Variants in GABRB1 observed in about 807,000 individuals in gnomAD.
The protein encoded by GABRB1 is gamma-aminobutyric acid receptor subunit beta-1.
Under a neutral mutation model 51.6 loss-of-function variants are expected in GABRB1, and 17 were observed. The observed-to-expected ratio is 0.33, with a 90% confidence interval of 0.23 to 0.49. The LOEUF is 0.49. Ranked by LOEUF, GABRB1 falls within the 20% of genes least tolerant of loss-of-function variation. The pLI, the probability that GABRB1 is intolerant of heterozygous loss-of-function variation, is 0.99. For synonymous variants in GABRB1, 247 were observed against 218.9 expected (o/e 1.13, Z -1.14); for missense variants, 410 against 600.6 (o/e 0.68, Z 3.32).
chr4:47,122,916 G>A (rs1003343768), intron 3 of GABRB1, among the ~76,000 whole-genome samples: 5 of 152,140 alleles, frequency 3.3e-5, no homozygotes, highest in African/African-American at 4.8e-5. Context: ...CAGCTGAAAT[G>A]ACTGGTAGAA....
At chr4:47,271,137 A>T (rs1722860098) in intron 4 of GABRB1, among the ~76,000 whole-genome samples, 2 of 152,164 alleles carry the variant, frequency 1.3e-5, no homozygotes, top group South Asian at 4.1e-4. Context: ...ATGCAGGAAA[A>T]TGTTAGGGGA....
chr4:47,157,153 C>T (rs1275762639), intron 3 of GABRB1, among the ~76,000 whole-genome samples: 1 of 151,726 alleles, frequency 6.6e-6, no homozygotes, highest in Non-Finnish European at 1.5e-5. Flanking sequence ...CAAAGAATTC[C>T]CTATGGCCCA....
intron 3 of GABRB1, among the ~76,000 whole-genome samples, chr4:47,156,326 A>G (rs1263440180): frequency 6.6e-6 from 1 of 152,046 alleles, no homozygotes; most frequent in Non-Finnish European, 1.5e-5. Context: ...AGTGATAAAA[A>G]GAGATATTTT....
In GABRB1 at chr4:47,008,011, C is replaced by T. The variant is rs60877592; in HGVS notation, c.-20+14085C>T. Among the ~76,000 whole-genome samples, 618 of 151,830 alleles carry T rather than the reference C, an allele frequency of 4.1e-3. 2 individuals carry two copies. The highest frequency in any genetic ancestry group is 0.014 in the African/African-American group (579 of 41,376). ...GTGAAGAGAAGTATAGAGACAGGCA[C>T]GACAATTTGCCCTTACGCATTATTG... On this transcript the variant is annotated intron_variant, in intron 1 of 3. Transcript: ENST00000513567.
intron 3 of GABRB1, among the ~76,000 whole-genome samples, chr4:47,061,805 C>T (rs1009258836): frequency 3.6e-4 from 55 of 152,168 alleles, no homozygotes; most frequent in African/African-American, 1.3e-3. Context: ...CACTGTGTGA[C>T]TGTCTTGTAA....
intron 4 of GABRB1, among the ~76,000 whole-genome samples, chr4:47,304,271 G>T (rs1027587816): frequency 6.6e-6 from 1 of 151,836 alleles, no homozygotes; most frequent in African/African-American, 2.4e-5. Context: ...AGTGTGCTAG[G>T]CTTCTCTTTT....
At position 47,167,476 on chromosome 4, in the gene GABRB1, G is replaced by A. The variant is rs149989651; in HGVS notation, c.461+6007G>A. ...CCCCTACAATTGCTTTTCTTTCAAA[G>A]TTCCACAGTGATCCTTCCTTCTTCT... On this transcript the variant is annotated intron_variant, in intron 4 of 8. Coordinates refer to ENST00000295454, the MANE Select transcript of GABRB1 (RefSeq NM_000812.4). 8.0e-3 allele frequency among the ~76,000 whole-genome samples: 1,216 copies of A among 152,014 alleles called. 14 individuals carry two copies. Among genetic ancestry groups the A allele is most frequent in the African/African-American group, 0.028 (1,153 of 41,480 alleles).
rs189556097 is a variant in GABRB1 at position 47,359,181 on chromosome 4, T to C, written c.544+38972T>C. ...TCTTCATGTGCAAGTACTGATGGCT[T>C]TTGGCTGTAATCTCACAGCTCTTGC... is the stretch of plus-strand genomic sequence containing the variant. On this transcript the variant is annotated intron_variant, in intron 5 of 8. Coordinates refer to ENST00000295454, the MANE Select transcript of GABRB1 (RefSeq NM_000812.4). 6.6e-5 allele frequency among the ~76,000 whole-genome samples: 10 copies of C among 152,222 alleles called. No homozygotes were observed. In the East Asian group the frequency reaches 1.9e-3, roughly 29 times the overall value.
At chr4:47,161,722 G>A (rs1717961296) in intron 4 of GABRB1, among the ~76,000 whole-genome samples, 2 of 152,132 alleles carry the variant, frequency 1.3e-5, no homozygotes, top group South Asian at 4.2e-4. Flanking sequence ...TATAGGATAT[G>A]TAAAGTGGTG....
At chr4:47,388,627 G>A (rs1727880243) in intron 5 of GABRB1, among the ~76,000 whole-genome samples, 1 of 152,204 alleles carries the variant, frequency 6.6e-6, no homozygotes. Context: ...TAACCTTGGG[G>A]ACAGGTCTGT....
rs574556174 is a variant in GABRB1, at chr4:47,130,805, C to A, written c.241-30444C>A. 5.3e-5 allele frequency among the ~76,000 whole-genome samples: 8 copies of A among 152,282 alleles called. No homozygotes were observed. In the South Asian group the frequency reaches 1.4e-3, roughly 28 times the overall value. On this transcript the variant is annotated intron_variant, in intron 3 of 8. Transcript: ENST00000295454. ...GTTTTATTTATTATTATATTTCCAG[C>A]TCTCAGTACAGTGCTTCACATATAG...
In GABRB1 at chr4:47,384,925, C is replaced by A. The variant is rs569519790; in HGVS notation, c.545-18393C>A. ...AAATAGATTAGGCATTCTTAACACT[C>A]AATTTGAAAACAATCTTTAAAAACA... On this transcript the variant is annotated intron_variant, in intron 5 of 8. Coordinates refer to ENST00000295454, the MANE Select transcript of GABRB1 (RefSeq NM_000812.4). Among the ~76,000 whole-genome samples, 8 of 152,248 alleles carry A rather than the reference C, an allele frequency of 5.3e-5. No homozygotes were observed. In the East Asian group the frequency reaches 1.4e-3, roughly 26 times the overall value.
intron 3 of GABRB1, among the ~76,000 whole-genome samples, chr4:47,132,690 G>A (rs929460318): frequency 2.6e-5 from 4 of 152,254 alleles, no homozygotes; most frequent in Admixed American, 6.5e-5. Context: ...TTTCTTGAAC[G>A]AAGGAAAATA....
intron 4 of GABRB1, among the ~76,000 whole-genome samples, chr4:47,294,075 T>C (rs1723864023): frequency 6.6e-6 from 1 of 152,180 alleles, no homozygotes; most frequent in Non-Finnish European, 1.5e-5. Context: ...TGCTTAGTAA[T>C]CAATGTTTAA....
chr4:47,066,160 A>T (rs1727071096), intron 3 of GABRB1, among the ~76,000 whole-genome samples: 3 of 152,260 alleles, frequency 2.0e-5, no homozygotes, highest in Admixed American at 2.0e-4. Flanking sequence ...CCCAGTGTAT[A>T]TAAAATTATG....
intron 3 of GABRB1, among the ~76,000 whole-genome samples, chr4:47,039,584 C>T (rs1281866965): frequency 6.6e-6 from 1 of 152,028 alleles, no homozygotes; most frequent in African/African-American, 2.4e-5. Context: ...ATGATAGAGA[C>T]ATGTATGTAT....
intron 5 of GABRB1, among the ~76,000 whole-genome samples, chr4:47,400,199 T>TA (rs199927518): frequency 3.2e-4 from 49 of 151,576 alleles, no homozygotes; most frequent in Non-Finnish European, 5.2e-4. Context: ...TTCATATATT[T>TA]AAAAAAAAAC....
intron 3 of GABRB1, among the ~76,000 whole-genome samples, chr4:47,158,518 G>A (rs577603869): frequency 9.9e-5 from 15 of 152,010 alleles, no homozygotes; most frequent in East Asian, 1.9e-4. Context: ...GGATTTTGCC[G>A]CAGGTTTCAT....
intron 4 of GABRB1, among the ~76,000 whole-genome samples, chr4:47,178,002 G>A (rs371440600): frequency 1.3e-5 from 2 of 152,116 alleles, no homozygotes; most frequent in East Asian, 1.9e-4. Context: ...ATAACTCCAT[G>A]TTGCTATAGA....
Sources: gnomAD v4.1 joint callset for allele counts (sites outside exome capture counted in the v4.1 genomes callset) on GRCh38, gnomAD v4.1.1 for gene constraint, MANE v1.5 for transcripts, NCBI Gene and HGNC (gene_info 2026-07-23, HGNC 2026-07-21) for gene names.